The following ZCCHC8 variants were observed in gnomAD, a reference collection of about 807,000 sequenced individuals.
ZCCHC8 encodes the protein zinc finger CCHC-type containing 8.
A neutral mutation model predicts 70.6 loss-of-function variants in ZCCHC8; 27 were observed. The ratio of observed to expected loss-of-function variants is 0.38; its 90% CI spans 0.28 to 0.53. The LOEUF is 0.53. ZCCHC8 is among the 20% of genes least tolerant of loss of function. The pLI, the probability that ZCCHC8 is intolerant of heterozygous loss-of-function variation, is 0.81. For missense variants in ZCCHC8, 737 were observed against 876.9 expected, an observed-to-expected ratio of 0.84 and a Z score of 2.01; for synonymous variants, 293 against 317.4, an observed-to-expected ratio of 0.92 and a Z score of 0.82.
intron 1 of ZCCHC8, chr12:122,499,957 G>GT (rs1957893486): frequency 1.3e-5 from 2 of 151,924 alleles, no homozygotes; most frequent in African/African-American, 4.8e-5. Context: ...CTCTACGAAC[G>GT]TAAAAAAAAA....
At chr12:122,498,125 T>C (rs1050865481) in intron 2 of ZCCHC8, among the ~76,000 whole-genome samples, 1 of 151,490 alleles carries the variant, frequency 6.6e-6, no homozygotes, top group Non-Finnish European at 1.5e-5. Context: ...TTTAACTATG[T>C]AAATAAATCT....
chr12:122,490,953 AT>A, intron 3 of ZCCHC8: 1 of 156,492 alleles, frequency 6.4e-6, no homozygotes, highest in Non-Finnish European at 1.4e-5. Context: ...TTGGCCATCT[AT>A]TTCTGCAACA....
rs202062479 is a variant in ZCCHC8, at chr12:122,474,112, G to T, written c.1509C>A (p.Thr503=). 5 of 1,513,300 alleles carry T rather than the reference G, an allele frequency of 3.3e-6. No homozygotes were observed. The African/African-American group carries it at 7.0e-5, about 21-fold the overall frequency. The allele number at this position is 1,513,300 out of a possible 1,614,324, so 93.7% of individuals were successfully genotyped here. ...PPLTPSDSPQ[T]RTASGAVDED... ...CATCCACAGCTCCAGATGCTGTTCT[G>T]GTCTGGGGTGAGTCACTGGGAGTCA... The change falls in exon 14 of 14, where the codon ACC becomes ACA. Residue 503 remains threonine (T), a synonymous_variant. Transcript: ENST00000633063.
intron 5 of ZCCHC8, among the ~76,000 whole-genome samples, chr12:122,488,214 T>C (rs1012976972): frequency 6.6e-6 from 1 of 152,134 alleles, no homozygotes; most frequent in Non-Finnish European, 1.5e-5. Context: ...GTATTTTCAG[T>C]AGAGACAAGG....
chr12:122,473,656 T>G lies in ZCCHC8; in HGVS notation c.1965A>C (p.Lys655Asn), dbSNP rs1243208600. The G allele has an allele frequency of 3.1e-6, 5 of 1,613,798 alleles. No homozygotes were observed. Among genetic ancestry groups the G allele is most frequent in the Non-Finnish European group, 4.2e-6 (5 of 1,179,898 alleles). The change falls in exon 14 of 14, where the codon AAA (lysine) becomes AAC (asparagine). Residue 655 changes from lysine (K) to asparagine (N), a missense_variant. Coordinates refer to ENST00000633063, the MANE Select transcript of ZCCHC8 (RefSeq NM_017612.5). The part of the protein sequence containing the change: ...PADTSPSTAT[K>N]IHSPIPDMSK... ...TCATGTCAGGTATAGGGCTATGAAT[T>G]TTAGTGGCCGTTGAAGGACTGGTGT...
At chr12:122,481,732 G>C (rs970057297) in intron 9 of ZCCHC8, 68 bp from the exon 10 acceptor site, 2 of 1,525,732 alleles carry the variant, frequency 1.3e-6, no homozygotes, top group Non-Finnish European at 8.9e-7. Context: ...TAGTATTCTG[G>C]TATTTTAAAA....
chr12:122,486,735 A>G (rs145648300), intron 5 of ZCCHC8, among the ~76,000 whole-genome samples: 78 of 152,060 alleles, frequency 5.1e-4, no homozygotes, highest in African/African-American at 1.9e-3. Context: ...ATACCCAGCT[A>G]ATTTTTGTAT....
At chr12:122,487,465 C>T (rs548959587) in intron 5 of ZCCHC8, among the ~76,000 whole-genome samples, 2 of 152,218 alleles carry the variant, frequency 1.3e-5, no homozygotes, top group South Asian at 2.1e-4. Context: ...TTAAAGTGTC[C>T]GGATAACATC....
chr12:122,486,459 A>C (rs1041500348), intron 5 of ZCCHC8, among the ~76,000 whole-genome samples: 1 of 149,482 alleles, frequency 6.7e-6, no homozygotes, highest in Non-Finnish European at 1.5e-5. Context: ...ATCATGTTAC[A>C]TTTCTACTTA....
intron 2 of ZCCHC8, 82 bp from the exon 3 acceptor site, chr12:122,492,871 C>G (rs1566302585): frequency 2.0e-6 from 2 of 975,784 alleles, no homozygotes; most frequent in Non-Finnish European, 3.1e-6. Context: ...AACTTTTATA[C>G]TTTTTTTTTC....
intron 10 of ZCCHC8, chr12:122,481,079 A>G (rs1244720627): frequency 6.5e-6 from 1 of 152,686 alleles, no homozygotes; most frequent in Non-Finnish European, 1.5e-5. Flanking sequence ...TTTCACTATC[A>G]TATTCAATGA....
chr12:122,493,363 C>T (rs1957778911), intron 2 of ZCCHC8, among the ~76,000 whole-genome samples: 1 of 151,884 alleles, frequency 6.6e-6, no homozygotes, highest in Non-Finnish European at 1.5e-5. Context: ...GTCTAATGGC[C>T]GATTTCCTTA....
At chr12:122,492,168 T>G (rs887257102) in intron 3 of ZCCHC8, 2 of 154,188 alleles carry the variant, frequency 1.3e-5, no homozygotes, top group Non-Finnish European at 2.9e-5. Flanking sequence ...CAAACCATTT[T>G]AGACCTTACA....
chr12:122,498,768 T>C, intron 2 of ZCCHC8, 59 bp downstream of exon 2: 1 of 1,501,890 alleles, frequency 6.7e-7, no homozygotes, highest in Non-Finnish European at 9.2e-7. Flanking sequence ...TCTGATTAAA[T>C]ATTAATATCA....
intron 10 of ZCCHC8, 116 bp downstream of exon 10, chr12:122,481,403 ATTT>A: frequency 8.0e-7 from 1 of 1,251,942 alleles, no homozygotes; most frequent in Non-Finnish European, 1.1e-6. Context: ...TCATCATGAT[ATTT>A]TTTAGTTAGC....
At chr12:122,479,817 A>G (rs1957495248) in intron 11 of ZCCHC8, among the ~76,000 whole-genome samples, 1 of 152,194 alleles carries the variant, frequency 6.6e-6, no homozygotes, top group Non-Finnish European at 1.5e-5. Flanking sequence ...TATTCCTTTA[A>G]ATAGTAACTG....
At position 122,481,928 on chromosome 12, in the gene ZCCHC8, T is replaced by C; in HGVS notation, c.875+17A>G. 2 of 1,606,170 alleles carry C rather than the reference T, an allele frequency of 1.2e-6. No individual in the cohort carries two copies. The highest frequency in any genetic ancestry group is 2.2e-5 in the East Asian group (1 of 44,794). Reference sequence around the variant, plus strand: ...GGGAAATAAAAATGACCTTCTATGGTAAAATGCCATTAGTACCTAATAACT... The same window carrying C: ...GGGAAATAAAAATGACCTTCTATGGCAAAATGCCATTAGTACCTAATAACT... On this transcript the variant is annotated intron_variant, in intron 9 of 13. Coordinates refer to ENST00000633063, the MANE Select transcript of ZCCHC8 (RefSeq NM_017612.5).
In ZCCHC8 at chr12:122,492,768, A is replaced by G. The variant is rs1325286551; in HGVS notation, c.264T>C (p.Thr88=). ...TCTGTAATATAGGTCCATCTAACTT[A>G]GTATCGTTCACCAATATTCCACTAA... ...TRPSGILVND[T]KLDGPILQIL... Residue 88 remains threonine, a synonymous_variant, in exon 3 of 14, where the codon ACT becomes ACC. Transcript: ENST00000633063. 7 of 1,547,050 alleles carry G rather than the reference A, an allele frequency of 4.5e-6. No individual in the cohort carries two copies. The highest frequency in any genetic ancestry group is 1.2e-5 in the South Asian group (1 of 83,704).
intron 10 of ZCCHC8, 191 bp downstream of exon 10, chr12:122,481,331 T>C: frequency 1.5e-6 from 1 of 664,802 alleles, no homozygotes; most frequent in Non-Finnish European, 2.3e-6. Context: ...CAGAAAACCA[T>C]CAGATAATCT....
Sources: allele counts gnomAD v4.1 joint callset (sites outside exome capture counted in the v4.1 genomes callset), GRCh38; gene constraint gnomAD v4.1.1; transcripts MANE v1.5; gene names NCBI Gene and HGNC (gene_info 2026-07-23, HGNC 2026-07-21).